PTPN20: variants seen among roughly 807,000 people sequenced by gnomAD.
The protein encoded by PTPN20 is protein tyrosine phosphatase non-receptor type 20.
In PTPN20, 9 loss-of-function variants were observed where a neutral mutation model predicts 35.0. That is an observed-to-expected ratio of 0.26 (90% CI 0.15 to 0.45). PTPN20 has a LOEUF of 0.45. Ranked by LOEUF, PTPN20 falls within the 20% of genes least tolerant of loss-of-function variation. The pLI is 1.00. For missense variants in PTPN20, 111 were observed against 312.5 expected (o/e 0.36, Z 4.86); for synonymous variants, 32 against 100.2 (o/e 0.32, Z 4.06).
intron 9 of PTPN20, among the ~76,000 whole-genome samples, chr10:46,997,421 A>C (rs1468698023): frequency 1.3e-5 from 2 of 151,138 alleles, no homozygotes; most frequent in Non-Finnish European, 2.9e-5. Flanking sequence ...TGCCATGTGC[A>C]TATAGATTTG....
At position 46,932,545 on chromosome 10, in the gene PTPN20, A is replaced by G. The variant is rs1381618649; in HGVS notation, c.34+12A>G. On this transcript the variant is annotated intron_variant, in intron 2 of 10. Coordinates refer to ENST00000374339, the MANE Select transcript of PTPN20 (RefSeq NM_001042357.5). ...TAGAGCAGAGCCTGGTAGGTGCATC[A>G]TCTACTTTTGTGGGTATGGGATCAG... 3.0e-5 allele frequency: 49 copies of G among 1,612,084 alleles called. No individual in the cohort carries two copies. The East Asian group carries it at 7.6e-4, about 25-fold the overall frequency.
At chr10:46,968,630 A>C in intron 7 of PTPN20, among the ~76,000 whole-genome samples, 1 of 152,212 alleles carries the variant, frequency 6.6e-6, no homozygotes, top group Non-Finnish European at 1.5e-5. Context: ...AAAACACAGC[A>C]ATGCAATTTT....
At position 47,001,615 on chromosome 10, in the gene PTPN20, A is replaced by G. The variant is rs963934334; in HGVS notation, c.*874A>G. 31 of 152,102 alleles carry G rather than the reference A, an allele frequency of 2.0e-4. No individual in the cohort carries two copies. The highest frequency in any genetic ancestry group is 3.7e-4 in the Non-Finnish European group (25 of 67,992). 9.4% of individuals were successfully genotyped at this position (152,102 alleles called of 1,614,324 possible). On this transcript the variant is annotated 3_prime_UTR_variant, in exon 11 of 11. Coordinates refer to ENST00000374339, the MANE Select transcript of PTPN20 (RefSeq NM_001042357.5). ...TATATAATTCTGAGTCATTCATGGT[A>G]TCTCTCATGTTTGATGTATTTTTCA...
chr10:46,925,883 A>G (rs2037178578), intron 1 of PTPN20: 1 of 641,896 alleles, frequency 1.6e-6, no homozygotes, highest in African/African-American at 2.0e-5. Context: ...AAGATTAAGG[A>G]CAAGGTTGGC....
chr10:46,950,337 A>G (rs2046288521), intron 5 of PTPN20, among the ~76,000 whole-genome samples: 1 of 151,148 alleles, frequency 6.6e-6, no homozygotes, highest in Non-Finnish European at 1.5e-5. Context: ...GAATAAACCC[A>G]GATGCAGTCT....
chr10:46,945,218 A>G (rs2044361634), intron 4 of PTPN20, among the ~76,000 whole-genome samples: 1 of 151,458 alleles, frequency 6.6e-6, no homozygotes. Flanking sequence ...GAAGCTGAGT[A>G]TACATTTTAT....
In PTPN20 at chr10:46,948,720, G is replaced by C. The variant is rs1488806533; in HGVS notation, c.340+2045G>C. Among the ~76,000 whole-genome samples, 694 of 152,102 alleles carry C rather than the reference G, an allele frequency of 4.6e-3. 7 individuals carry two copies. The highest frequency in any genetic ancestry group is 0.015 in the African/African-American group (632 of 41,422). On this transcript the variant is annotated intron_variant, in intron 5 of 10. Coordinates refer to ENST00000374339, the MANE Select transcript of PTPN20 (RefSeq NM_001042357.5). ...TAGAAGGGCTTTCTTTCCTTCTCCT[G>C]CCTATCTTCCAGCAGTAGACTGGTG... is the stretch of plus-strand genomic sequence containing the variant.
chr10:46,998,475 AGG>A (rs2138061277), intron 9 of PTPN20, among the ~76,000 whole-genome samples: 1 of 152,340 alleles, frequency 6.6e-6, no homozygotes, highest in African/African-American at 2.4e-5. Context: ...CTATTTTCCA[AGG>A]GTTAGAGATT....
At chr10:46,951,693 TA>T (rs2046742728) in intron 5 of PTPN20, among the ~76,000 whole-genome samples, 1 of 148,670 alleles carries the variant, frequency 6.7e-6, no homozygotes, top group Non-Finnish European at 1.5e-5. Flanking sequence ...ATTCACTAAG[TA>T]AACCACATTT....
At chr10:46,999,231 G>A (rs1211913590) in intron 9 of PTPN20, among the ~76,000 whole-genome samples, 1 of 152,138 alleles carries the variant, frequency 6.6e-6, no homozygotes, top group African/African-American at 2.4e-5. Context: ...ATTTACATGT[G>A]TCCACAATGT....
intron 1 of PTPN20, among the ~76,000 whole-genome samples, chr10:46,931,514 G>A (rs1192685770): frequency 7.1e-6 from 1 of 141,306 alleles, no homozygotes; most frequent in African/African-American, 3.0e-5. Flanking sequence ...TCCTACCTCA[G>A]CTTTTCAAGT....
intron 1 of PTPN20, among the ~76,000 whole-genome samples, chr10:46,928,478 CT>C (rs2038451163): frequency 1.3e-5 from 2 of 152,106 alleles, no homozygotes; most frequent in African/African-American, 4.8e-5. Flanking sequence ...AATATGAATC[CT>C]TTTATTTTAT....
rs1428201652 is a variant in PTPN20, at chr10:46,925,766, G to A, written c.-123-6611G>A. ...TTATAACCATCACTAATGGTCTTCA[G>A]TGTTTTAAAGAGAAAGTTTATGGAC... On this transcript the variant is annotated intron_variant, in intron 1 of 10. Transcript: ENST00000374339. 1.3e-4 allele frequency among the ~76,000 whole-genome samples: 19 copies of A among 151,620 alleles called. 1 individual carries two copies. The highest frequency in any genetic ancestry group is 1.9e-4 in the Non-Finnish European group (13 of 68,018).
At chr10:46,947,996 A>G (rs1276867555) in intron 5 of PTPN20, 1 of 448,964 alleles carries the variant, frequency 2.2e-6, no homozygotes, top group Non-Finnish European at 4.4e-6. Context: ...ATAAGTGTAT[A>G]ACAGACAAAC....
intron 1 of PTPN20, among the ~76,000 whole-genome samples, chr10:46,930,469 G>A (rs1222178568): frequency 4.0e-5 from 6 of 150,228 alleles, no homozygotes; most frequent in Non-Finnish European, 8.9e-5. Context: ...CAGAAGCTTA[G>A]GTGTCATTCT....
rs1437453532 is a variant in PTPN20, at chr10:47,002,051, A to G, written c.*1310A>G. ...CTTATTTTGTTCTTTTGGCTGAATG[A>G]GTATATTTGAATTGGTTGAATAATT... On this transcript the variant is annotated 3_prime_UTR_variant, in exon 11 of 11. Coordinates refer to ENST00000374339, the MANE Select transcript of PTPN20 (RefSeq NM_001042357.5). 2 of 152,064 alleles carry G rather than the reference A, an allele frequency of 1.3e-5. No homozygotes were observed. The highest frequency in any genetic ancestry group is 2.9e-5 in the Non-Finnish European group (2 of 67,950). The allele number at this position is 152,064 out of a possible 1,614,324, so 9.4% of individuals were successfully genotyped here.
chr10:46,941,654 A>G (rs1224138618), intron 3 of PTPN20, among the ~76,000 whole-genome samples: 8 of 149,254 alleles, frequency 5.4e-5, no homozygotes, highest in Non-Finnish European at 1.2e-4. Flanking sequence ...TCTAGAACTG[A>G]GCACATTTTG....
intron 9 of PTPN20, among the ~76,000 whole-genome samples, chr10:46,990,441 C>A (rs1283679111): frequency 8.8e-6 from 1 of 113,772 alleles, no homozygotes; most frequent in Non-Finnish European, 1.8e-5. Flanking sequence ...CAGTTCTGCT[C>A]TGATTTTGGT....
chr10:46,988,949 A>T, intron 9 of PTPN20, among the ~76,000 whole-genome samples: 1 of 140,510 alleles, frequency 7.1e-6, no homozygotes, highest in African/African-American at 2.6e-5. Flanking sequence ...TTGTATGTCG[A>T]CTTTGTATCC....
Sources: gnomAD v4.1 joint callset for allele counts (sites outside exome capture counted in the v4.1 genomes callset) on GRCh38, gnomAD v4.1.1 for gene constraint, MANE v1.5 for transcripts, NCBI Gene and HGNC (gene_info 2026-07-23, HGNC 2026-07-21) for gene names.